NDUFAF4: variants seen among roughly 807,000 people sequenced by gnomAD.
NDUFAF4 encodes the protein NADH:ubiquinone oxidoreductase complex assembly factor 4.
In NDUFAF4, 10 loss-of-function variants were observed where a neutral mutation model predicts 15.6. The ratio of observed to expected loss-of-function variants is 0.64; its 90% confidence interval spans 0.40 to 1.09. NDUFAF4 has a LOEUF of 1.09. NDUFAF4 is among the 50% of genes least tolerant of loss of function. The probability of loss-of-function intolerance (pLI) is 0.01; values close to 1 mark genes in which losing one functional copy is unlikely to be tolerated. For missense variants in NDUFAF4, 203 were observed against 207.3 expected (o/e 0.98, Z 0.13); for synonymous variants, 77 against 73.3 (o/e 1.05, Z -0.26).
intron 2 of NDUFAF4, among the ~76,000 whole-genome samples, chr6:96,895,688 G>A (rs1267987864): frequency 1.3e-5 from 2 of 152,130 alleles, no homozygotes; most frequent in South Asian, 2.1e-4. Flanking sequence ...TTAAAATGAC[G>A]TAAGAACACA....
intron 2 of NDUFAF4, among the ~76,000 whole-genome samples, chr6:96,891,641 G>A (rs1041389190): frequency 7.9e-5 from 12 of 151,814 alleles, no homozygotes; most frequent in African/African-American, 2.9e-4. Flanking sequence ...CACCAGATAT[G>A]GTTGTTTAAA....
At chr6:96,893,389 T>A (rs1285300112) in intron 2 of NDUFAF4, among the ~76,000 whole-genome samples, 1 of 152,084 alleles carries the variant, frequency 6.6e-6, no homozygotes, top group Non-Finnish European at 1.5e-5. Context: ...GCAAGAAAAA[T>A]AAGGGCCTTT....
intron 2 of NDUFAF4, chr6:96,896,245 G>A (rs577999898): frequency 1.7e-5 from 3 of 174,318 alleles, no homozygotes; most frequent in Non-Finnish European, 2.5e-5. Flanking sequence ...TTACACATAG[G>A]TTCCCATTCC....
At position 96,889,510 on chromosome 6, in the gene NDUFAF4, TATTTC is replaced by T. The variant is rs1371455025; in HGVS notation, c.*1589_*1593del. The T allele has an allele frequency of 6.6e-6, 1 of 152,322 alleles. No homozygotes were observed. The highest frequency in any genetic ancestry group is 2.4e-5 in the African/African-American group (1 of 41,448). The allele number at this position is 152,322 out of a possible 1,614,324, so 9.4% of individuals were successfully genotyped here. A position where few individuals can be genotyped will look rare whatever the true frequency, so the allele number is the denominator to read the frequency against. On this transcript the variant is annotated 3_prime_UTR_variant, in exon 3 of 3. Transcript: ENST00000316149. ...TAAAATGCATTTTATATTGAGTAGTTATTTCATGTTTTCTTAAAACAATTATTGTA... is the reference window on the plus strand; with the variant it reads ...TAAAATGCATTTTATATTGAGTAGTTATGTTTTCTTAAAACAATTATTGTA...
At position 96,896,769 on chromosome 6, in the gene NDUFAF4, G is replaced by A. The variant is rs777271921; in HGVS notation, c.215C>T (p.Ser72Phe). The change falls in exon 2 of 3, where the codon TCC (serine) becomes TTC (phenylalanine). Residue 72 changes from serine to phenylalanine, a missense_variant. Coordinates refer to ENST00000316149, the MANE Select transcript of NDUFAF4 (RefSeq NM_014165.4). ...LSFLKDVYVDSKDPVSSLQVK... is the reference protein window; with the variant it reads ...LSFLKDVYVDFKDPVSSLQVK... ...CTGCAAGGAAGACACAGGATCTTTG[G>A]AATCAACATACACATCTTTTAGAAA... The A allele has an allele frequency of 6.2e-7, 1 of 1,612,344 alleles. No homozygotes were observed. Among genetic ancestry groups the A allele is most frequent in the South Asian group, 1.1e-5 (1 of 91,032 alleles).
At position 96,897,743 on chromosome 6, in the gene NDUFAF4, C is replaced by T. The variant is rs147891467; in HGVS notation, c.59G>A (p.Arg20Gln). The T allele has an allele frequency of 4.9e-5, 79 of 1,614,064 alleles. No homozygotes were observed. Among genetic ancestry groups the T allele is most frequent in the Non-Finnish European group, 6.4e-5 (75 of 1,180,016 alleles). The stretch of plus-strand genomic sequence containing the variant: ...AGAGGGCTTCATCTTGCTGATTTCC[C>T]GTTCCGCTCGGTTCTCTAGGTTGAA... ...RNFNLENRAE[R>Q]EISKMKPSVA... The change falls in exon 1 of 3, where the codon CGG becomes CAG. Residue 20 changes from arginine to glutamine, a missense_variant. Arg to Gln is a conservative substitution (Grantham distance 43, BLOSUM62 1). Coordinates refer to ENST00000316149, the MANE Select transcript of NDUFAF4 (RefSeq NM_014165.4).
At chr6:96,892,244 T>C (rs1332902042) in intron 2 of NDUFAF4, among the ~76,000 whole-genome samples, 1 of 152,154 alleles carries the variant, frequency 6.6e-6, no homozygotes, top group Non-Finnish European at 1.5e-5. Flanking sequence ...GAAAATAAAC[T>C]AACGCCTCCA....
Position 96,891,200 on chromosome 6 carries a change from T to C in NDUFAF4, c.432A>G (p.Leu144=). The change falls in exon 3 of 3, where the codon TTA becomes TTG. Residue 144 remains leucine, a synonymous_variant. Coordinates refer to ENST00000316149, the MANE Select transcript of NDUFAF4 (RefSeq NM_014165.4). ...TAEKIMQEYQ[L]EQKDVNSLLK... Reference sequence around the variant, plus strand: ...GAAGAGAATTCACATCTTTCTGTTCTAACTGGTATTCCTGCATTATTTTCT... The same window carrying C: ...GAAGAGAATTCACATCTTTCTGTTCCAACTGGTATTCCTGCATTATTTTCT... 2 of 1,613,094 alleles carry C rather than the reference T, an allele frequency of 1.2e-6. No homozygotes were observed. Among genetic ancestry groups the C allele is most frequent in the South Asian group, 2.2e-5 (2 of 91,048 alleles).
chr6:96,896,637 A>C, intron 2 of NDUFAF4, 107 bp downstream of exon 2: 1 of 917,580 alleles, frequency 1.1e-6, no homozygotes, highest in South Asian at 1.3e-5. Context: ...GATTGATCAC[A>C]ACACACACTT....
Position 96,896,884 on chromosome 6 carries a change from G to A in NDUFAF4, c.137-37C>T, listed in dbSNP as rs146092432. 3.2e-3 allele frequency: 4,731 copies of A among 1,476,898 alleles called. 60 individuals are homozygous for A. Among genetic ancestry groups the A allele is most frequent in the East Asian group, 0.027 (1,193 of 44,192 alleles). The allele number at this position is 1,476,898 out of a possible 1,614,324, so 91.5% of individuals were successfully genotyped here. On this transcript the variant is annotated intron_variant, in intron 1 of 2. Transcript: ENST00000316149. Reference sequence around the variant, plus strand: ...AAAAAAGTCACAATATTAAAATCAAGGAAAATTTCCTGTAATATCCTAAAC... The same window carrying A: ...AAAAAAGTCACAATATTAAAATCAAAGAAAATTTCCTGTAATATCCTAAAC...
At position 96,889,964 on chromosome 6, in the gene NDUFAF4, C is replaced by T. The variant is rs549338594; in HGVS notation, c.*1140G>A. ...TCCTATTTGCTTGGTCCTTTGTAGT[C>T]CTTTATTATTTATCTTCATGATAAC... On this transcript the variant is annotated 3_prime_UTR_variant, in exon 3 of 3. Coordinates refer to ENST00000316149, the MANE Select transcript of NDUFAF4 (RefSeq NM_014165.4). 10 of 152,044 alleles carry T rather than the reference C, an allele frequency of 6.6e-5. No individual in the cohort carries two copies. The highest frequency in any genetic ancestry group is 1.5e-4 in the Non-Finnish European group (10 of 68,004). The allele number at this position is 152,044 out of a possible 1,614,324, so 9.4% of individuals were successfully genotyped here. A position where few individuals can be genotyped will look rare whatever the true frequency, so the allele number is the denominator to read the frequency against.
chr6:96,891,913 T>C (rs1258179698), intron 2 of NDUFAF4, among the ~76,000 whole-genome samples: 1 of 152,142 alleles, frequency 6.6e-6, no homozygotes, highest in African/African-American at 2.4e-5. Context: ...TTCATTTTCT[T>C]ATTATAATGA....
intron 2 of NDUFAF4, among the ~76,000 whole-genome samples, chr6:96,893,448 C>T (rs773706846): frequency 3.9e-5 from 6 of 152,136 alleles, no homozygotes; most frequent in Non-Finnish European, 8.8e-5. Context: ...CTCCCAAATT[C>T]ACATTTCACA....
Position 96,889,328 on chromosome 6 carries a change from A to T in NDUFAF4, c.*1776T>A, listed in dbSNP as rs1042655679. ...AGGACTGATGAATGGTATGGGAAGA[A>T]GTTCTTTATTTTATCATGTGACACC... On this transcript the variant is annotated 3_prime_UTR_variant, in exon 3 of 3. Coordinates refer to ENST00000316149, the MANE Select transcript of NDUFAF4 (RefSeq NM_014165.4). 1 of 152,212 alleles carries T rather than the reference A, an allele frequency of 6.6e-6. No homozygotes were observed. The highest frequency in any genetic ancestry group is 1.5e-5 in the Non-Finnish European group (1 of 68,044). The allele number at this position is 152,212 out of a possible 1,614,324, so 9.4% of individuals were successfully genotyped here. A position where few individuals can be genotyped will look rare whatever the true frequency, so the allele number is the denominator to read the frequency against.
chr6:96,891,925 C>G (rs543250191), intron 2 of NDUFAF4, among the ~76,000 whole-genome samples: 4 of 151,974 alleles, frequency 2.6e-5, no homozygotes, highest in African/African-American at 9.7e-5. Flanking sequence ...TTATAATGAG[C>G]CATAGTTTAA....
chr6:96,897,867 G>C lies in NDUFAF4; in HGVS notation c.-66C>G. 1 of 1,611,264 alleles carries C rather than the reference G, an allele frequency of 6.2e-7. No individual in the cohort carries two copies. Among genetic ancestry groups the C allele is most frequent in the Non-Finnish European group, 8.5e-7 (1 of 1,178,668 alleles). ...GGAACACCGGCGCAGGACAACTCCG[G>C]GACACCCGGAGCATGCGCACAAGTG... On this transcript the variant is annotated 5_prime_UTR_variant, in exon 1 of 3. Coordinates refer to ENST00000316149, the MANE Select transcript of NDUFAF4 (RefSeq NM_014165.4).
At position 96,897,742 on chromosome 6, in the gene NDUFAF4, C is replaced by T; in HGVS notation, c.60G>A (p.Arg20=). 1 of 1,614,196 alleles carries T rather than the reference C, an allele frequency of 6.2e-7. No individual in the cohort carries two copies. The highest frequency in any genetic ancestry group is 2.2e-5 in the East Asian group (1 of 44,870). ...RNFNLENRAE[R]EISKMKPSVA... Reference sequence around the variant, plus strand: ...CAGAGGGCTTCATCTTGCTGATTTCCCGTTCCGCTCGGTTCTCTAGGTTGA... The same window carrying T: ...CAGAGGGCTTCATCTTGCTGATTTCTCGTTCCGCTCGGTTCTCTAGGTTGA... The change falls in exon 1 of 3, where the codon CGG becomes CGA. Residue 20 remains arginine, a synonymous_variant. Coordinates refer to ENST00000316149, the MANE Select transcript of NDUFAF4 (RefSeq NM_014165.4).
At position 96,897,881 on chromosome 6, in the gene NDUFAF4, T is replaced by C; in HGVS notation, c.-80A>G. 2 of 1,600,804 alleles carry C rather than the reference T, an allele frequency of 1.2e-6. No individual in the cohort carries two copies. Among genetic ancestry groups the C allele is most frequent in the Non-Finnish European group, 1.7e-6 (2 of 1,170,974 alleles). On this transcript the variant is annotated 5_prime_UTR_variant, in exon 1 of 3. It removes an upstream start codon present in the reference 5' UTR. Coordinates refer to ENST00000316149, the MANE Select transcript of NDUFAF4 (RefSeq NM_014165.4). ...GGACAACTCCGGGACACCCGGAGCA[T>C]GCGCACAAGTGAGGGGAAGCCCCGC...
intron 2 of NDUFAF4, among the ~76,000 whole-genome samples, chr6:96,895,177 T>C (rs531258542): frequency 6.6e-6 from 1 of 152,246 alleles, no homozygotes; most frequent in African/African-American, 2.4e-5. Flanking sequence ...CCACATTTAA[T>C]GCCAGATAAA....
Sources: gnomAD v4.1 joint callset for allele counts (sites outside exome capture counted in the v4.1 genomes callset) on GRCh38, gnomAD v4.1.1 for gene constraint, MANE v1.5 for transcripts, NCBI Gene and HGNC (gene_info 2026-07-23, HGNC 2026-07-21) for gene names.